The following PAPPA variants were observed in gnomAD, a reference collection of about 807,000 sequenced individuals.
PAPPA encodes pappalysin 1, also known as pappalysin-1.
In PAPPA, 60 loss-of-function variants were observed where a neutral mutation model predicts 164.0. That is an observed-to-expected ratio of 0.37 (90% CI 0.30 to 0.45). PAPPA has a LOEUF of 0.45. PAPPA is among the 20% of genes least tolerant of loss of function. The pLI is 1.00. For missense variants in PAPPA, 1,782 were observed against 2,087.3 expected, an observed-to-expected ratio of 0.85 and a Z score of 2.85; for synonymous variants, 875 against 814.1, an observed-to-expected ratio of 1.07 and a Z score of -1.27.
intron 1 of PAPPA, among the ~76,000 whole-genome samples, chr9:116,159,705 G>A (rs1363467316): frequency 1.3e-5 from 2 of 152,160 alleles, no homozygotes; most frequent in African/African-American, 4.8e-5. Flanking sequence ...TGAACAAGTA[G>A]AAGTGATAAA....
At chr9:116,321,318 C>T (rs893435648) in intron 10 of PAPPA, among the ~76,000 whole-genome samples, 6 of 152,312 alleles carry the variant, frequency 3.9e-5, no homozygotes, top group Middle Eastern at 3.4e-3. Context: ...TGAGCCACCG[C>T]GCCTGGCCAT....
intron 3 of PAPPA, among the ~76,000 whole-genome samples, chr9:116,208,354 T>G (rs943548280): frequency 6.9e-6 from 1 of 144,126 alleles, no homozygotes; most frequent in Non-Finnish European, 1.5e-5. Context: ...CTTTTTTCAC[T>G]TAATATTATG....
At chr9:116,194,799 T>C (rs1308800999) in intron 2 of PAPPA, among the ~76,000 whole-genome samples, 1 of 152,206 alleles carries the variant, frequency 6.6e-6, no homozygotes, top group African/African-American at 2.4e-5. Flanking sequence ...CCTGTCAGCA[T>C]TGTTTTACAG....
chr9:116,185,912 G>A (rs1843964083), intron 1 of PAPPA, among the ~76,000 whole-genome samples: 1 of 152,112 alleles, frequency 6.6e-6, no homozygotes, highest in African/African-American at 2.4e-5. Flanking sequence ...GGCAGGGGGA[G>A]CTGCTATAGA....
intron 9 of PAPPA, among the ~76,000 whole-genome samples, chr9:116,274,383 G>T (rs369558076): frequency 1.3e-5 from 2 of 152,212 alleles, no homozygotes; most frequent in East Asian, 3.8e-4. Flanking sequence ...AAATCGTGTA[G>T]CTGAAGTCTA....
At chr9:116,224,281 G>A (rs910687096) in intron 5 of PAPPA, among the ~76,000 whole-genome samples, 3 of 152,158 alleles carry the variant, frequency 2.0e-5, no homozygotes, top group Non-Finnish European at 2.9e-5. Context: ...TTGCAAACAC[G>A]TGTTGACTGG....
chr9:116,355,822 G>A (rs1237126958), intron 17 of PAPPA, among the ~76,000 whole-genome samples: 2 of 152,174 alleles, frequency 1.3e-5, no homozygotes, highest in Admixed American at 6.5e-5. Context: ...AAGGAGCAGG[G>A]TATTGCTTGT....
intron 10 of PAPPA, among the ~76,000 whole-genome samples, chr9:116,305,176 C>CACACACACACACACAT (rs1554750322): frequency 1.3e-5 from 2 of 149,260 alleles, no homozygotes; most frequent in Non-Finnish European, 3.0e-5. Context: ...CACACACACA[C>CACACACACACACACAT]GGAGTCTGCA....
chr9:116,213,938 A>G (rs529348473), intron 4 of PAPPA, among the ~76,000 whole-genome samples: 39 of 152,318 alleles, frequency 2.6e-4, no homozygotes, highest in Middle Eastern at 3.4e-3. Context: ...AGAGCCATGC[A>G]TGGGAGCTCT....
At chr9:116,381,851 C>G (rs1396142373) in intron 20 of PAPPA, among the ~76,000 whole-genome samples, 1 of 152,208 alleles carries the variant, frequency 6.6e-6, no homozygotes, top group African/African-American at 2.4e-5. Flanking sequence ...TCAAGTACAT[C>G]TGCCCTCCTT....
chr9:116,388,397 G>GTGTT (rs1192432609), intron 21 of PAPPA, among the ~76,000 whole-genome samples: 5 of 152,172 alleles, frequency 3.3e-5, no homozygotes, highest in Admixed American at 6.5e-5. Flanking sequence ...AAGTAAGCAC[G>GTGTT]TGTTAGGGTG....
At chr9:116,308,800 A>G (rs1428667886) in intron 10 of PAPPA, among the ~76,000 whole-genome samples, 1 of 152,190 alleles carries the variant, frequency 6.6e-6, no homozygotes, top group Non-Finnish European at 1.5e-5. Flanking sequence ...TCTTTCACCC[A>G]TTGCCCTTTC....
intron 1 of PAPPA, among the ~76,000 whole-genome samples, chr9:116,176,234 A>G (rs1488547854): frequency 6.6e-6 from 1 of 152,204 alleles, no homozygotes; most frequent in Non-Finnish European, 1.5e-5. Flanking sequence ...ACACACTCAG[A>G]GATAGATTGA....
intron 4 of PAPPA, among the ~76,000 whole-genome samples, chr9:116,219,047 T>C (rs1267629996): frequency 3.3e-5 from 5 of 152,234 alleles, no homozygotes; most frequent in African/African-American, 4.8e-5. Flanking sequence ...GCCTGTGCTC[T>C]CTGCCTAAGG....
At chr9:116,392,068 C>T (rs969193277) in intron 21 of PAPPA, among the ~76,000 whole-genome samples, 2 of 152,152 alleles carry the variant, frequency 1.3e-5, no homozygotes, top group African/African-American at 4.8e-5. Flanking sequence ...CTCTTTGCAT[C>T]TTAGTTTCTT....
chr9:116,292,978 C>A (rs1845455608), intron 9 of PAPPA, among the ~76,000 whole-genome samples: 1 of 152,122 alleles, frequency 6.6e-6, no homozygotes, highest in Non-Finnish European at 1.5e-5. Flanking sequence ...CAGGAGGGGG[C>A]TACTTCTTTA....
At chr9:116,157,477 A>C (rs926240099) in intron 1 of PAPPA, among the ~76,000 whole-genome samples, 2 of 152,194 alleles carry the variant, frequency 1.3e-5, no homozygotes, top group Non-Finnish European at 2.9e-5. Context: ...GATTCTCTGG[A>C]GGGTCCACCA....
chr9:116,381,522 C>T (rs1846731491), intron 20 of PAPPA, among the ~76,000 whole-genome samples: 1 of 152,200 alleles, frequency 6.6e-6, no homozygotes, highest in African/African-American at 2.4e-5. Flanking sequence ...GGACTTTCCC[C>T]TAATAAGGCT....
intron 19 of PAPPA, among the ~76,000 whole-genome samples, chr9:116,369,831 T>C (rs1228320727): frequency 6.7e-6 from 1 of 149,782 alleles, no homozygotes; most frequent in African/African-American, 2.5e-5. Context: ...TTATTGATGC[T>C]GGCCTACCGA....
Sources: allele counts gnomAD v4.1 joint callset (sites outside exome capture counted in the v4.1 genomes callset), GRCh38; gene constraint gnomAD v4.1.1; transcripts MANE v1.5; gene names NCBI Gene and HGNC (gene_info 2026-07-23, HGNC 2026-07-21).